The following PTPRT variants were observed in gnomAD, a reference collection of about 807,000 sequenced individuals.
The protein encoded by PTPRT is receptor-type tyrosine-protein phosphatase T.
PTPRT carries 56 observed loss-of-function variants against 176.8 expected under a neutral mutation model. The ratio of observed to expected loss-of-function variants is 0.32; its 90% CI spans 0.26 to 0.40. The LOEUF is 0.40. Among genes scored for constraint, PTPRT ranks in the 10% least tolerant of loss-of-function variants. The pLI is 1.00. For missense variants in PTPRT, 1,540 were observed against 1,908.2 expected (o/e 0.81, Z 3.60); for synonymous variants, 783 against 739.0 (o/e 1.06, Z -0.96).
At chr20:42,569,760 C>T (rs1035722010) in intron 7 of PTPRT, among the ~76,000 whole-genome samples, 4 of 152,152 alleles carry the variant, frequency 2.6e-5, no homozygotes, top group African/African-American at 9.7e-5. Flanking sequence ...GATCACTTGG[C>T]CCTCAGTTAG....
chr20:42,118,860 C>T (rs961940862), intron 20 of PTPRT, among the ~76,000 whole-genome samples: 1 of 151,922 alleles, frequency 6.6e-6, no homozygotes, highest in East Asian at 1.9e-4. Flanking sequence ...GAAAATTGGT[C>T]TCCAGAACCT....
intron 13 of PTPRT, among the ~76,000 whole-genome samples, chr20:42,262,604 G>T (rs2056768633): frequency 6.6e-6 from 1 of 152,222 alleles, no homozygotes; most frequent in African/African-American, 2.4e-5. Context: ...AGAGTGAGGT[G>T]CTTGAACCAT....
chr20:42,041,404 G>A, the PTPRT span, among the ~76,000 whole-genome samples: 1 of 152,148 alleles, frequency 6.6e-6, no homozygotes, highest in Non-Finnish European at 1.5e-5. Context: ...AGGTCGCAGG[G>A]AATATATTTA....
At chr20:42,180,879 T>G (rs1219703343) in intron 16 of PTPRT, among the ~76,000 whole-genome samples, 1 of 152,230 alleles carries the variant, frequency 6.6e-6, no homozygotes, top group Non-Finnish European at 1.5e-5. Flanking sequence ...TAGGATCATA[T>G]GCAAGAGAAA....
At chr20:42,888,628 A>G (rs983441928) in intron 1 of PTPRT, among the ~76,000 whole-genome samples, 2 of 152,212 alleles carry the variant, frequency 1.3e-5, no homozygotes, top group African/African-American at 4.8e-5. Flanking sequence ...AGAGAGAATT[A>G]TTCCCCCAAA....
Position 42,855,429 on chromosome 20 carries a change from C to CTTT in PTPRT, c.214+30375_214+30377dup, listed in dbSNP as rs555034551. On this transcript the variant is annotated intron_variant, in intron 2 of 30. Coordinates refer to ENST00000373187, the MANE Select transcript of PTPRT (RefSeq NM_007050.6). ...GAAAGAAGAGTAATCTATGTTCATG[C>CTTT]TTTTTTTTTTTTTTTTTTTTTTGGA... 2.2e-3 allele frequency among the ~76,000 whole-genome samples: 253 copies of CTTT among 115,662 alleles called. 5 individuals carry two copies. The highest frequency in any genetic ancestry group is 7.5e-3 in the African/African-American group (197 of 26,404). The allele number at this position is 115,662 out of a possible 152,430, so 75.9% of individuals were successfully genotyped here. A position where few individuals can be genotyped will look rare whatever the true frequency, so the allele number is the denominator to read the frequency against.
intron 12 of PTPRT, among the ~76,000 whole-genome samples, chr20:42,284,560 C>A (rs1190244543): frequency 6.6e-6 from 1 of 152,032 alleles, no homozygotes; most frequent in East Asian, 1.9e-4. Flanking sequence ...TAGATTCCTT[C>A]TTCCACGTTG....
intron 1 of PTPRT, among the ~76,000 whole-genome samples, chr20:43,046,962 C>A (rs1986862219): frequency 6.6e-6 from 1 of 152,122 alleles, no homozygotes; most frequent in South Asian, 2.1e-4. Flanking sequence ...CATAGGGCGG[C>A]CAGGAATAAT....
intron 2 of PTPRT, among the ~76,000 whole-genome samples, chr20:42,812,822 T>A (rs144840884): frequency 6.6e-6 from 1 of 152,302 alleles, no homozygotes; most frequent in African/African-American, 2.4e-5. Context: ...TCTAAATAAA[T>A]GTTTCATGCA....
chr20:42,067,286 GGA>G, the PTPRT span, among the ~76,000 whole-genome samples: 3 of 152,144 alleles, frequency 2.0e-5, no homozygotes, highest in Non-Finnish European at 4.4e-5. Context: ...ATCAACCCTG[GGA>G]GAGGTTTGTA....
intron 1 of PTPRT, among the ~76,000 whole-genome samples, chr20:43,182,751 G>A (rs1465466455): frequency 6.6e-6 from 1 of 152,074 alleles, no homozygotes; most frequent in Non-Finnish European, 1.5e-5. Context: ...AGTTCCTCCT[G>A]GGTGTTGATG....
intron 7 of PTPRT, among the ~76,000 whole-genome samples, chr20:42,568,690 C>A (rs1190492857): frequency 6.6e-6 from 1 of 152,044 alleles, no homozygotes; most frequent in East Asian, 1.9e-4. Flanking sequence ...ACCCTCCTGG[C>A]CTACAGAGAG....
chr20:42,193,915 C>A (rs1158728425), intron 16 of PTPRT, among the ~76,000 whole-genome samples: 5 of 152,082 alleles, frequency 3.3e-5, no homozygotes, highest in Non-Finnish European at 5.9e-5. Flanking sequence ...TCCCCAAATT[C>A]TTTGCAGAAT....
downstream of PTPRT, among the ~76,000 whole-genome samples, chr20:42,070,194 T>C (rs555356832): frequency 2.0e-5 from 3 of 152,108 alleles, no homozygotes; most frequent in South Asian, 4.2e-4. Flanking sequence ...GCATGGTATG[T>C]TGTTGACCTC....
chr20:42,411,329 C>A (rs2059014168), intron 9 of PTPRT, among the ~76,000 whole-genome samples: 1 of 151,702 alleles, frequency 6.6e-6, no homozygotes, highest in Non-Finnish European at 1.5e-5. Flanking sequence ...CCAGCCTGGC[C>A]AACTTGGTGA....
At chr20:42,101,408 A>G (rs1485490287) in intron 26 of PTPRT, among the ~76,000 whole-genome samples, 1 of 152,166 alleles carries the variant, frequency 6.6e-6, no homozygotes, top group Non-Finnish European at 1.5e-5. Flanking sequence ...ACACCTGTAC[A>G]CCTTGGAGGG....
chr20:42,279,551 C>A (rs922493328), intron 13 of PTPRT, among the ~76,000 whole-genome samples: 10 of 152,130 alleles, frequency 6.6e-5, no homozygotes, highest in African/African-American at 2.4e-4. Context: ...TTAAGCCAAC[C>A]AATTTGTAGG....
chr20:42,842,358 A>T (rs1385816536), intron 2 of PTPRT, among the ~76,000 whole-genome samples: 1 of 152,192 alleles, frequency 6.6e-6, no homozygotes, highest in Non-Finnish European at 1.5e-5. Context: ...AGGGTTGGAA[A>T]ATCCATTGTC....
rs181374512 is a variant in PTPRT, at chr20:42,894,632, T to C, written c.89-8700A>G. Among the ~76,000 whole-genome samples the C allele has an allele frequency of 3.3e-4, 50 of 152,272 alleles. 1 individual carries two copies. The East Asian group carries it at 9.3e-3, about 28-fold the overall frequency. On this transcript the variant is annotated intron_variant, in intron 1 of 30. Coordinates refer to ENST00000373187, the MANE Select transcript of PTPRT (RefSeq NM_007050.6). ...ACCTACTCATTATACTAGGTTGCCA[T>C]GGTGATGAACTGAAAAGATAACCTT...
Sources: gnomAD v4.1 joint callset for allele counts (sites outside exome capture counted in the v4.1 genomes callset) on GRCh38, gnomAD v4.1.1 for gene constraint, MANE v1.5 for transcripts, NCBI Gene and HGNC (gene_info 2026-07-23, HGNC 2026-07-21) for gene names.